KAZN: variants seen among roughly 807,000 people sequenced by gnomAD.
KAZN encodes the protein kazrin.
A neutral mutation model predicts 87.4 loss-of-function variants in KAZN; 40 were observed. The ratio of observed to expected loss-of-function variants is 0.46; its 90% CI spans 0.36 to 0.60. The LOEUF (loss-of-function observed/expected upper bound fraction) is 0.60, where lower values mean the gene tolerates loss of function less well. KAZN is among the 20% of genes least tolerant of loss of function. The pLI, the probability that KAZN is intolerant of heterozygous loss-of-function variation, is 0.00. For missense variants in KAZN, 898 were observed against 1,073.9 expected (o/e 0.84, Z 2.29); for synonymous variants, 466 against 458.3 (o/e 1.02, Z -0.22).
intron 1 of KAZN, among the ~76,000 whole-genome samples, chr1:14,661,028 A>C (rs2148714682): frequency 6.6e-6 from 1 of 152,266 alleles, no homozygotes; most frequent in Admixed American, 6.5e-5. Flanking sequence ...GAAAGAAGGA[A>C]GTAAGTGTTC....
intron 2 of KAZN, among the ~76,000 whole-genome samples, chr1:14,505,871 G>A (rs558711287): frequency 2.3e-4 from 35 of 152,274 alleles, no homozygotes; most frequent in African/African-American, 8.4e-4. Flanking sequence ...CTACTCGGGA[G>A]GATGAGGCAG....
At chr1:15,009,628 G>A (rs946083466) in intron 2 of KAZN, among the ~76,000 whole-genome samples, 2 of 152,206 alleles carry the variant, frequency 1.3e-5, no homozygotes, top group African/African-American at 4.8e-5. Flanking sequence ...AAGAGAGCGA[G>A]GACAAGGCTA....
chr1:14,778,960 A>C (rs1391748866), intron 1 of KAZN, among the ~76,000 whole-genome samples: 1 of 152,146 alleles, frequency 6.6e-6, no homozygotes, highest in Non-Finnish European at 1.5e-5. Context: ...TGGGAGCCTG[A>C]GGCCTCTCTC....
At chr1:15,005,948 C>T (rs941133285) in intron 2 of KAZN, among the ~76,000 whole-genome samples, 3 of 152,154 alleles carry the variant, frequency 2.0e-5, no homozygotes, top group Non-Finnish European at 2.9e-5. Context: ...TGCCTTACCG[C>T]GACACTGGGC....
At chr1:15,083,256 C>T (rs1053620589) in intron 8 of KAZN, among the ~76,000 whole-genome samples, 2 of 152,302 alleles carry the variant, frequency 1.3e-5, no homozygotes, top group East Asian at 1.9e-4. Flanking sequence ...CAAATGTCAA[C>T]CTCAGGCTAG....
intron 1 of KAZN, among the ~76,000 whole-genome samples, chr1:14,010,179 C>A (rs1001798084): frequency 2.0e-5 from 3 of 151,966 alleles, no homozygotes; most frequent in African/African-American, 7.3e-5. Flanking sequence ...TATCTTTGCT[C>A]CTGGTGCACA....
chr1:15,029,603 C>A (rs1310796596), intron 2 of KAZN, among the ~76,000 whole-genome samples: 1 of 152,182 alleles, frequency 6.6e-6, no homozygotes. Flanking sequence ...ACTGCACCCC[C>A]ACAAAGGCCA....
At chr1:14,697,996 G>A (rs752547732) in intron 1 of KAZN, among the ~76,000 whole-genome samples, 1 of 152,204 alleles carries the variant, frequency 6.6e-6, no homozygotes, top group Non-Finnish European at 1.5e-5. Context: ...GAAAAACTGA[G>A]TCTCCCTTCT....
intron 2 of KAZN, among the ~76,000 whole-genome samples, chr1:14,585,276 C>CGGT (rs1165754402): frequency 2.0e-5 from 3 of 152,102 alleles, no homozygotes; most frequent in African/African-American, 7.2e-5. Flanking sequence ...CCTTGAGGGA[C>CGGT]GGTGCTAATT....
chr1:14,298,100 C>A (rs184414467), intron 2 of KAZN, among the ~76,000 whole-genome samples: 79 of 152,274 alleles, frequency 5.2e-4, no homozygotes, highest in Non-Finnish European at 1.9e-4. Context: ...TGGCGCATGT[C>A]TGTAGTCCCA....
At chr1:13,974,599 A>G (rs1483975746) in intron 1 of KAZN, among the ~76,000 whole-genome samples, 5 of 152,200 alleles carry the variant, frequency 3.3e-5, no homozygotes, top group African/African-American at 1.2e-4. Context: ...AGACAATGTG[A>G]CCATGGAGGC....
At chr1:14,389,041 G>T (rs923564213) in intron 2 of KAZN, among the ~76,000 whole-genome samples, 1 of 152,092 alleles carries the variant, frequency 6.6e-6, no homozygotes, top group East Asian at 1.9e-4. Context: ...ATGGGCAAAA[G>T]ATCTGAATAG....
intron 1 of KAZN, among the ~76,000 whole-genome samples, chr1:14,842,179 G>C (rs76867652): frequency 0.013 from 1,908 of 152,290 alleles, 43 homozygotes; most frequent in African/African-American, 0.042. Flanking sequence ...AGAGAAAATG[G>C]GGATTTTCAT....
chr1:13,974,680 C>T (rs965435123), intron 1 of KAZN, among the ~76,000 whole-genome samples: 1 of 152,168 alleles, frequency 6.6e-6, no homozygotes, highest in African/African-American at 2.4e-5. Flanking sequence ...AGGCAAGGGA[C>T]AGTTTCTCCC....
intron 1 of KAZN, among the ~76,000 whole-genome samples, chr1:14,091,109 CA>C (rs779056126): frequency 0.22 from 11,644 of 52,014 alleles, 280 homozygotes; most frequent in East Asian, 0.46. Flanking sequence ...GAGACTCTGT[CA>C]AAAAAAAAAA....
intron 1 of KAZN, among the ~76,000 whole-genome samples, chr1:14,118,360 A>G (rs929847360): frequency 4.6e-5 from 7 of 152,152 alleles, no homozygotes; most frequent in African/African-American, 1.7e-4. Flanking sequence ...CATGTTATTC[A>G]TTCTTCCCCC....
At chr1:14,492,821 G>A (rs1042591230) in intron 2 of KAZN, among the ~76,000 whole-genome samples, 17 of 85,392 alleles carry the variant, frequency 2.0e-4, no homozygotes, top group Non-Finnish European at 3.9e-4. Flanking sequence ...CACATATACC[G>A]CCCATATATC....
At chr1:14,251,777 T>A (rs1650066872) in intron 2 of KAZN, among the ~76,000 whole-genome samples, 1 of 150,892 alleles carries the variant, frequency 6.6e-6, no homozygotes, top group African/African-American at 2.4e-5. Flanking sequence ...GCTTCCTGAG[T>A]AGCTGGGACT....
At chr1:14,908,966 G>A (rs1656917874) in intron 1 of KAZN, among the ~76,000 whole-genome samples, 1 of 152,132 alleles carries the variant, frequency 6.6e-6, no homozygotes, top group African/African-American at 2.4e-5. Context: ...CTGGGTGACA[G>A]GGCGAGACTC....
Sources: allele counts gnomAD v4.1 joint callset (sites outside exome capture counted in the v4.1 genomes callset), GRCh38; gene constraint gnomAD v4.1.1; transcripts MANE v1.5; gene names NCBI Gene and HGNC (gene_info 2026-07-23, HGNC 2026-07-21).